The following TRPM1 variants were observed in gnomAD, a reference collection of about 807,000 sequenced individuals.
TRPM1 encodes TRPM1-203 APA Isoform, Intron 10.
Under a neutral mutation model 149.4 loss-of-function variants are expected in TRPM1, and 113 were observed. That is an observed-to-expected ratio of 0.76 (90% CI 0.65 to 0.88). The LOEUF (loss-of-function observed/expected upper bound fraction) is 0.88, where lower values mean the gene tolerates loss of function less well. Among genes scored for constraint, TRPM1 ranks in the 40% least tolerant of loss-of-function variants. The pLI is 0.00. For missense variants in TRPM1, 1,976 were observed against 2,038.7 expected (o/e 0.97, Z 0.59); for synonymous variants, 741 against 759.5 (o/e 0.98, Z 0.40).
chr15:31,151,920 G>A (rs4779509), intron 1 of TRPM1, among the ~76,000 whole-genome samples: 50,553 of 152,120 alleles, frequency 0.33, 9,067 homozygotes, highest in East Asian at 0.6. Context: ...TTGCCATCCC[G>A]CTAAAAGTAG....
chr15:31,010,709 G>T (rs1380871197), intron 27 of TRPM1, among the ~76,000 whole-genome samples: 2 of 152,070 alleles, frequency 1.3e-5, no homozygotes. Context: ...ATGTATCTTG[G>T]AAAATGTTCC....
intron 1 of TRPM1, among the ~76,000 whole-genome samples, chr15:31,096,172 G>A (rs2035381429): frequency 1.3e-5 from 2 of 152,078 alleles, no homozygotes; most frequent in African/African-American, 4.8e-5. Flanking sequence ...GGGAAAAAGA[G>A]AGAAAGAAAG....
rs781604139 is a variant in TRPM1, at chr15:31,049,403, A to G, written c.1544T>C (p.Ile515Thr). The change falls in exon 13 of 28, where the codon ATT becomes ACT. Residue 515 changes from isoleucine to threonine, a missense_variant. This residue lies in a region of TRPM1 where 1,332 missense variants were observed against 1,347.1 expected (regional missense o/e 0.99). Coordinates refer to ENST00000256552, the MANE Select transcript of TRPM1 (RefSeq NM_001252024.2). ...NGVNMQHFLT[I>T]PRLEELYNTR... ...GTTATAAAGCTCCTCCAGCCTCGGA[A>G]TGGTCAGAAAGTGTTGCATGTTCAC... 6.2e-6 allele frequency: 10 copies of G among 1,614,064 alleles called. 1 individual carries two copies. Among genetic ancestry groups the G allele is most frequent in the South Asian group, 4.4e-5 (4 of 91,088 alleles).
intron 15 of TRPM1, 73 bp from the exon 16 acceptor site, chr15:31,046,306 T>C: frequency 7.2e-7 from 1 of 1,391,568 alleles, no homozygotes; most frequent in Non-Finnish European, 1.0e-6. Context: ...TTAGCAGTAT[T>C]GTTGATAGTG....
rs2031743842 is a variant in TRPM1 at position 31,001,147 on chromosome 15, G to C, written c.*675C>G. ...TTAGAGTATGATGTTTGATATAATT[G>C]TGTACTTTTTTTCCCATTGTGTAGT... On this transcript the variant is annotated 3_prime_UTR_variant, in exon 28 of 28. Transcript: ENST00000256552. The C allele has an allele frequency of 6.6e-6, 1 of 152,120 alleles. No individual in the cohort carries two copies. Among genetic ancestry groups the C allele is most frequent in the South Asian group, 2.1e-4 (1 of 4,820 alleles). The allele number at this position is 152,120 out of a possible 1,614,324, so 9.4% of individuals were successfully genotyped here. A position where few individuals can be genotyped will look rare whatever the true frequency, so the allele number is the denominator to read the frequency against.
chr15:31,133,411 T>TAAA (rs34691754), intron 1 of TRPM1, among the ~76,000 whole-genome samples: 1 of 151,530 alleles, frequency 6.6e-6, no homozygotes, highest in Non-Finnish European at 1.5e-5. Flanking sequence ...CTACCAAAAG[T>TAAA]AAAAAAAATT....
At chr15:31,032,066 T>C (rs1040117237) in intron 22 of TRPM1, among the ~76,000 whole-genome samples, 23 of 148,334 alleles carry the variant, frequency 1.6e-4, no homozygotes, top group East Asian at 6.1e-4. Flanking sequence ...TGTAGTCTCA[T>C]AGAACATCAA....
At chr15:31,044,730 G>A (rs1304189456) in intron 16 of TRPM1, among the ~76,000 whole-genome samples, 3 of 144,868 alleles carry the variant, frequency 2.1e-5, no homozygotes, top group African/African-American at 5.2e-5. Flanking sequence ...GCAGTGAGCC[G>A]AGATTGCACC....
chr15:31,015,488 A>G (rs1330898580), intron 27 of TRPM1, among the ~76,000 whole-genome samples: 1 of 152,184 alleles, frequency 6.6e-6, no homozygotes. Context: ...TGATAAAGCA[A>G]AAAATGTTAG....
At chr15:31,119,865 A>G (rs907614146) in intron 1 of TRPM1, among the ~76,000 whole-genome samples, 2 of 152,192 alleles carry the variant, frequency 1.3e-5, no homozygotes, top group African/African-American at 4.8e-5. Context: ...GATAATTAAT[A>G]TGGTAAGAGA....
chr15:31,151,490 C>A (rs2036303510), intron 1 of TRPM1, among the ~76,000 whole-genome samples: 1 of 152,216 alleles, frequency 6.6e-6, no homozygotes, highest in Non-Finnish European at 1.5e-5. Flanking sequence ...CCCAGGGCCA[C>A]ACAGCTCCTT....
In TRPM1 at chr15:31,128,300, T is replaced by G. The variant is rs187514743; in HGVS notation, c.54+32606A>C. ...AGAACGCCATCCCCCTGTCCTGGGC[T>G]GTGCCCACCGGCTGCCGTGGAGCTC... On this transcript the variant is annotated intron_variant, in intron 1 of 26. Transcript: ENST00000542188. 3.3e-3 allele frequency among the ~76,000 whole-genome samples: 499 copies of G among 152,314 alleles called. 5 individuals carry two copies. The highest frequency in any genetic ancestry group is 0.011 in the African/African-American group (476 of 41,554).
exon 1 of TRPM1, chr15:31,160,927 G>T (rs1435223512): frequency 6.5e-7 from 1 of 1,535,516 alleles, no homozygotes; most frequent in Admixed American, 2.0e-5. Flanking sequence ...CTGATGTGGA[G>T]CTCTTGAGCG....
intron 27 of TRPM1, among the ~76,000 whole-genome samples, chr15:31,025,879 TA>T (rs377115690): frequency 3.9e-5 from 6 of 152,272 alleles, no homozygotes; most frequent in African/African-American, 1.2e-4. Flanking sequence ...CACTTTGGGG[TA>T]GGGGGTGAAG....
In TRPM1 at chr15:31,062,579, G is replaced by T. The variant is rs202130526; in HGVS notation, c.1089C>A (p.Leu363=). 1 of 1,614,072 alleles carries T rather than the reference G, an allele frequency of 6.2e-7. No individual in the cohort carries two copies. The highest frequency in any genetic ancestry group is 8.5e-7 in the Non-Finnish European group (1 of 1,180,022). Residue 363 remains leucine, a splice_region_variant and synonymous_variant, in exon 9 of 28, where the codon CTC becomes CTA. Transcript: ENST00000256552. ...IIMECMKKKE[L]VTVFRMGSEG... is the part of the protein sequence containing the mutation. ...TTGGAAATAAATTCAAGACACTTAC[G>T]AGTTCTTTCTTCTTCATGCACTCCA...
intron 1 of TRPM1, among the ~76,000 whole-genome samples, chr15:31,150,420 A>AT (rs149365957): frequency 1.0e-4 from 14 of 140,594 alleles, no homozygotes; most frequent in African/African-American, 3.5e-4. Context: ...CCTCAGTTGA[A>AT]TTTTTTCTTT....
At chr15:31,081,091 T>C (rs1397423252) in intron 2 of TRPM1, among the ~76,000 whole-genome samples, 3 of 152,080 alleles carry the variant, frequency 2.0e-5, no homozygotes, top group Non-Finnish European at 4.4e-5. Flanking sequence ...AGGTCATCTG[T>C]GATGACTCTG....
At chr15:31,097,756 A>G (rs967714333) in intron 1 of TRPM1, among the ~76,000 whole-genome samples, 4 of 152,162 alleles carry the variant, frequency 2.6e-5, no homozygotes, top group African/African-American at 9.7e-5. Flanking sequence ...CCGATATTCA[A>G]GAGCAGAGCT....
Position 31,101,687 on chromosome 15 carries a change from G to A in TRPM1, c.-114C>T, listed in dbSNP as rs1406006769. On this transcript the variant is annotated 5_prime_UTR_variant, in exon 1 of 28. Transcript: ENST00000256552. ...ACAGCAGTGGAATGGAGAGGGCACA[G>A]CTCAGGCTCTTTCAGCCTCCTCCTT... 3.0e-6 allele frequency: 3 copies of A among 985,918 alleles called. No homozygotes were observed. The highest frequency in any genetic ancestry group is 3.6e-6 in the Non-Finnish European group (3 of 830,284). 61.1% of individuals were successfully genotyped at this position (985,918 alleles called of 1,614,324 possible). A position where few individuals can be genotyped will look rare whatever the true frequency, so the allele number is the denominator to read the frequency against.
Sources: gnomAD v4.1 joint callset for allele counts (sites outside exome capture counted in the v4.1 genomes callset) on GRCh38, gnomAD v4.1.1 for gene constraint, gnomAD v4.1.1 regional missense constraint, MANE v1.5 for transcripts, NCBI Gene and HGNC (gene_info 2026-07-23, HGNC 2026-07-21) for gene names.